The following SDK1 variants were observed in gnomAD, a reference collection of about 807,000 sequenced individuals.
The protein encoded by SDK1 is protein sidekick-1.
A neutral mutation model predicts 245.5 loss-of-function variants in SDK1; 157 were observed. The ratio of observed to expected loss-of-function variants is 0.64; its 90% CI spans 0.56 to 0.73. The LOEUF (loss-of-function observed/expected upper bound fraction) is 0.73, where lower values mean the gene tolerates loss of function less well. Ranked by LOEUF, SDK1 falls within the 30% of genes least tolerant of loss-of-function variation. SDK1 has a pLI of 0.00. For synonymous variants in SDK1, 1,647 were observed against 1,278.5 expected (o/e 1.29, Z -6.15); for missense variants, 3,583 against 3,002.3 (o/e 1.19, Z -4.52).
rs148784234 is a variant in SDK1 at position 3,747,698 on chromosome 7, GGTGTGTGT to G, written c.714-73739_714-73732del. Among the ~76,000 whole-genome samples, 17 of 148,838 alleles carry G rather than the reference GGTGTGTGT, an allele frequency of 1.1e-4. No homozygotes were observed. The South Asian group carries it at 3.4e-3, about 30-fold the overall frequency. Reference sequence around the variant, plus strand: ...AACTAGAGGATTTAACTTAGCCTGGGGTGTGTGTGTGTGTGTGTGTATGGTGAGGGGTT... The same window carrying G: ...AACTAGAGGATTTAACTTAGCCTGGGGTGTGTGTGTGTATGGTGAGGGGTT... On this transcript the variant is annotated intron_variant, in intron 4 of 44. Transcript: ENST00000404826.
chr7:3,336,537 T>A (rs564165335), intron 1 of SDK1, among the ~76,000 whole-genome samples: 6 of 151,808 alleles, frequency 4.0e-5, no homozygotes, highest in African/African-American at 1.4e-4. Flanking sequence ...GGTGGGGAGG[T>A]GTGAGCCTCC....
chr7:3,960,740 C>A (rs759231501), intron 8 of SDK1, among the ~76,000 whole-genome samples: 1 of 152,134 alleles, frequency 6.6e-6, no homozygotes, highest in Non-Finnish European at 1.5e-5. Context: ...ACTGATTCGG[C>A]ATAGGGGAGG....
chr7:4,221,061 C>T (rs1785126435), intron 39 of SDK1, among the ~76,000 whole-genome samples, 178 bp from the exon 40 acceptor site: 1 of 152,170 alleles, frequency 6.6e-6, no homozygotes, highest in African/African-American at 2.4e-5. Flanking sequence ...TGAGCCACCA[C>T]GCCCGGCCTT....
intron 22 of SDK1, among the ~76,000 whole-genome samples, chr7:4,082,694 C>T (rs1039873494): frequency 2.0e-5 from 3 of 152,046 alleles, no homozygotes; most frequent in African/African-American, 7.2e-5. Context: ...GATCTCGGCT[C>T]ACTACAACCT....
chr7:4,175,790 A>AGACGGTGAACAGCAGCTCCAC lies in SDK1; in HGVS notation c.4953_4973dup (p.Thr1652_Thr1658dup). 6.2e-7 allele frequency: 1 copy of AGACGGTGAACAGCAGCTCCAC among 1,613,972 alleles called. No individual in the cohort carries two copies. The highest frequency in any genetic ancestry group is 8.5e-7 in the Non-Finnish European group (1 of 1,179,984). On this transcript the variant is annotated inframe_insertion, in exon 34 of 45. Transcript: ENST00000404826. ...ACCCCAATAGCCCAAAGCAGCTTCAAGACGGTGAACAGCAGCTCCACATCG... is the reference window on the plus strand; with the variant it reads ...ACCCCAATAGCCCAAAGCAGCTTCAAGACGGTGAACAGCAGCTCCACGACGGTGAACAGCAGCTCCACATCG...
intron 1 of SDK1, among the ~76,000 whole-genome samples, chr7:3,506,149 T>G (rs1207580789): frequency 6.6e-6 from 1 of 152,138 alleles, no homozygotes; most frequent in Non-Finnish European, 1.5e-5. Flanking sequence ...CTTGTAGCTT[T>G]TCTTGCAGTT....
Position 3,595,144 on chromosome 7 carries a change from G to T in SDK1, c.299-23936G>T, listed in dbSNP as rs552886543. 7.9e-5 allele frequency among the ~76,000 whole-genome samples: 12 copies of T among 151,760 alleles called. No individual in the cohort carries two copies. The East Asian group carries it at 1.7e-3, about 22-fold the overall frequency. On this transcript the variant is annotated intron_variant, in intron 1 of 44. Coordinates refer to ENST00000404826, the MANE Select transcript of SDK1 (RefSeq NM_152744.4). ...ATTTTCTCCCGATTACTTTTTTTTT[G>T]AATCTTGCCTGAATAATGTGAGCTT...
At chr7:3,762,030 A>T (rs1188083537) in intron 4 of SDK1, among the ~76,000 whole-genome samples, 2 of 152,210 alleles carry the variant, frequency 1.3e-5, no homozygotes, top group Non-Finnish European at 2.9e-5. Context: ...ATGACTGTGT[A>T]TCTGAGCATA....
At chr7:3,421,235 C>G (rs1181965714) in intron 1 of SDK1, among the ~76,000 whole-genome samples, 1 of 151,828 alleles carries the variant, frequency 6.6e-6, no homozygotes, top group Non-Finnish European at 1.5e-5. Flanking sequence ...CCACGCCCAG[C>G]TAATTTTTGT....
chr7:3,424,406 C>G (rs1180687496), intron 1 of SDK1, among the ~76,000 whole-genome samples: 1 of 152,086 alleles, frequency 6.6e-6, no homozygotes, highest in African/African-American at 2.4e-5. Context: ...TTATACCACC[C>G]TCAAATATAA....
At chr7:3,920,347 T>TG (rs1342832109) in intron 5 of SDK1, among the ~76,000 whole-genome samples, 1 of 152,010 alleles carries the variant, frequency 6.6e-6, no homozygotes, top group Non-Finnish European at 1.5e-5. Context: ...CATTAGGCCT[T>TG]GGACTGAGAC....
chr7:3,582,285 T>G (rs1436558617), intron 1 of SDK1, among the ~76,000 whole-genome samples: 1 of 143,252 alleles, frequency 7.0e-6, no homozygotes, highest in African/African-American at 2.7e-5. Context: ...CTCAGGTAGG[T>G]CTGTCTCAGG....
At chr7:3,906,991 C>G (rs1269078732) in intron 5 of SDK1, among the ~76,000 whole-genome samples, 1 of 152,124 alleles carries the variant, frequency 6.6e-6, no homozygotes, top group Admixed American at 6.6e-5. Context: ...TCAAGCTTAC[C>G]TTTTCATTTA....
At chr7:3,568,919 C>A (rs1050097329) in intron 1 of SDK1, among the ~76,000 whole-genome samples, 1 of 151,708 alleles carries the variant, frequency 6.6e-6, no homozygotes, top group Non-Finnish European at 1.5e-5. Flanking sequence ...AGGCAATTTG[C>A]TTTAGTATCT....
chr7:3,887,380 C>T lies in SDK1; in HGVS notation c.848-63543C>T, dbSNP rs192801377. On this transcript the variant is annotated intron_variant, in intron 5 of 44. Transcript: ENST00000404826. ...GACAAGTACAATCTTCCTTGTGCCTCGAACAGGCAGGGGAGGAACCGTGGA... is the reference window on the plus strand; with the variant it reads ...GACAAGTACAATCTTCCTTGTGCCTTGAACAGGCAGGGGAGGAACCGTGGA... 1.6e-3 allele frequency among the ~76,000 whole-genome samples: 238 copies of T among 152,262 alleles called. 2 individuals are homozygous for T. Among genetic ancestry groups the T allele is most frequent in the African/African-American group, 5.6e-3 (232 of 41,538 alleles).
At chr7:3,353,656 C>T (rs994893541) in intron 1 of SDK1, among the ~76,000 whole-genome samples, 3 of 152,192 alleles carry the variant, frequency 2.0e-5, no homozygotes, top group Admixed American at 6.5e-5. Context: ...AAAGCCAGAC[C>T]TATTACAAGG....
intron 25 of SDK1, among the ~76,000 whole-genome samples, 181 bp downstream of exon 25, chr7:4,114,455 G>A (rs1480660717): frequency 6.6e-6 from 1 of 152,136 alleles, no homozygotes; most frequent in African/African-American, 2.4e-5. Flanking sequence ...GATTTCATTA[G>A]GGCCCCAAGC....
At chr7:3,590,220 A>C (rs1334520196) in intron 1 of SDK1, among the ~76,000 whole-genome samples, 1 of 150,404 alleles carries the variant, frequency 6.6e-6, no homozygotes, top group African/African-American at 2.4e-5. Context: ...TCTGTTACGG[A>C]TACTGGAGCA....
At chr7:3,350,504 G>C (rs1780631431) in intron 1 of SDK1, among the ~76,000 whole-genome samples, 1 of 152,104 alleles carries the variant, frequency 6.6e-6, no homozygotes, top group African/African-American at 2.4e-5. Context: ...CTTCTTGGTG[G>C]TTATTTTGTT....
Sources: gnomAD v4.1 joint callset for allele counts (sites outside exome capture counted in the v4.1 genomes callset) on GRCh38, gnomAD v4.1.1 for gene constraint, MANE v1.5 for transcripts, NCBI Gene and HGNC (gene_info 2026-07-23, HGNC 2026-07-21) for gene names.